The following TTN variants were observed in gnomAD, a reference collection of about 807,000 sequenced individuals.
TTN encodes titin, also known as connectin.
Under a neutral mutation model 3,223.0 loss-of-function variants are expected in TTN, and 1,525 were observed. That is an observed-to-expected ratio of 0.47 (90% CI 0.45 to 0.49). The LOEUF (loss-of-function observed/expected upper bound fraction) is 0.49. Among genes scored for constraint, TTN ranks in the 20% least tolerant of loss-of-function variants. TTN has a pLI of 0.00. For missense variants in TTN, 40,786 were observed against 43,424.0 expected, an observed-to-expected ratio of 0.94 and a Z score of 5.40; for synonymous variants, 14,094 against 15,161.0, an observed-to-expected ratio of 0.93 and a Z score of 5.17.
rs72647893 is a variant in TTN, at chr2:178,767,955, G to A, written c.9306-31C>T. 849 of 1,614,008 alleles carry A rather than the reference G, an allele frequency of 5.3e-4. 5 individuals are homozygous for A. In the African/African-American group the frequency reaches 9.8e-3, roughly 19 times the overall value. ...GATGAAATGGAAATTCGAGTTTACC[G>A]TATGGTGATTCAGAGGAAACTGGGA... On this transcript the variant is annotated intron_variant, in intron 39 of 362. Coordinates refer to ENST00000589042, the MANE Select transcript of TTN (RefSeq NM_001267550.2).
Position 178,776,031 on chromosome 2 carries a change from G to T in TTN, c.5833C>A (p.Pro1945Thr). The change falls in exon 28 of 363, where the codon CCA (proline) becomes ACA (threonine). Residue 1945 changes from proline to threonine, a missense_variant. Pro to Thr is a conservative substitution (Grantham distance 38). Coordinates refer to ENST00000589042, the MANE Select transcript of TTN (RefSeq NM_001267550.2). ...TCATGTACGTGAAACTCAGGCCTTGGTTCAGGAGCTCTCCTAAGGACAGAC... is the reference window on the plus strand; with the variant it reads ...TCATGTACGTGAAACTCAGGCCTTGTTTCAGGAGCTCTCCTAAGGACAGAC... Reference protein sequence around the residue: ...FRSVLRRAPEPRPEFHVHEPG... With the variant: ...FRSVLRRAPETRPEFHVHEPG... 1.2e-6 allele frequency: 2 copies of T among 1,614,098 alleles called. No individual in the cohort carries two copies.
rs2081890261 is a variant in TTN, at chr2:178,738,318, G to GCTA, written c.14132_14134dup (p.Val4711dup). 6.2e-7 allele frequency: 1 copy of GCTA among 1,613,316 alleles called. No individual in the cohort carries two copies. Among genetic ancestry groups the GCTA allele is most frequent in the African/African-American group, 1.3e-5 (1 of 74,920 alleles). On this transcript the variant is annotated inframe_insertion, in exon 49 of 363. Transcript: ENST00000589042. The stretch of plus-strand genomic sequence containing the variant: ...GGTGAATTTGGCTAGGTGGCCCAGT[G>GCTA]CTACTTCCAGGGGTTCGATTTTCCT...
chr2:178,778,965 C>T lies in TTN; in HGVS notation c.4117G>A (p.Ala1373Thr), dbSNP rs867802403. The T allele has an allele frequency of 1.2e-6, 2 of 1,613,894 alleles. No homozygotes were observed. The highest frequency in any genetic ancestry group is 2.7e-5 in the African/African-American group (2 of 74,918). Residue 1373 changes from alanine to threonine, a missense_variant, in exon 24 of 363, where the codon GCA (alanine) becomes ACA (threonine). Ala to Thr is a moderately conservative substitution (Grantham distance 58). Transcript: ENST00000589042. The stretch of plus-strand genomic sequence containing the variant: ...ACATACAATTTCCCTGAGCAAATTG[C>T]ATTTCCTTTAATATTGCTGGCAAAT... Reference protein sequence around the residue: ...TAFASNIKGNAICSGKLYVEP... With the variant: ...TAFASNIKGNTICSGKLYVEP...
At position 178,776,654 on chromosome 2, in the gene TTN, T is replaced by C. The variant is rs766132240; in HGVS notation, c.5210A>G (p.Glu1737Gly). The C allele has an allele frequency of 1.2e-6, 2 of 1,613,996 alleles. No individual in the cohort carries two copies. The highest frequency in any genetic ancestry group is 1.7e-5 in the Admixed American group (1 of 59,984). ...AAGTGGCTTTCCATCATGGAGCCAC[T>C]CCACCACCATCGTTGGGTCACCAAT... ...TPIGDPTMVV[E>G]WLHDGKPLEA... The change falls in exon 28 of 363, where the codon GAG (glutamate) becomes GGG (glycine). Residue 1737 changes from glutamate (E) to glycine (G), a missense_variant. Transcript: ENST00000589042.
intron 98 of TTN, 77 bp from the exon 99 acceptor site, chr2:178,709,933 C>A (rs2076413837): frequency 7.0e-7 from 1 of 1,423,874 alleles, no homozygotes. Context: ...AGAAAAAAAA[C>A]CCTCATATTT....
In TTN at chr2:178,590,218, T is replaced by G; in HGVS notation, c.61507A>C (p.Arg20503=). 6.2e-7 allele frequency: 1 copy of G among 1,600,464 alleles called. No individual in the cohort carries two copies. Among genetic ancestry groups the G allele is most frequent in the South Asian group, 1.1e-5 (1 of 88,506 alleles). ...TIRILARVKG[R]PEPDITWTKE... The stretch of plus-strand genomic sequence containing the variant: ...GTCCAAGTTATGTCTGGTTCAGGTC[T>G]GCCTTTGACTCGAGCTAGAATGCGG... The change falls in exon 304 of 363, where the codon AGA becomes CGA. Residue 20503 remains arginine (R), a synonymous_variant. Coordinates refer to ENST00000589042, the MANE Select transcript of TTN (RefSeq NM_001267550.2).
intron 43 of TTN, among the ~76,000 whole-genome samples, chr2:178,762,597 TA>T (rs548408174): frequency 1.4e-4 from 22 of 152,356 alleles, no homozygotes; most frequent in Non-Finnish European, 2.9e-4. Context: ...AAAATTCCTC[TA>T]AAAATTAAAT....
At position 178,622,740 on chromosome 2, in the gene TTN, A is replaced by G; in HGVS notation, c.44843T>C (p.Leu14948Pro). ...VPPHVEFLRPLTDLQVREKEM... is the reference protein window; with the variant it reads ...VPPHVEFLRPPTDLQVREKEM... Reference sequence around the variant, plus strand: ...TTTTTCTCTAACTTGAAGGTCGGTGAGTGGTCTTAAGAATTCCACATGAGG... The same window carrying G: ...TTTTTCTCTAACTTGAAGGTCGGTGGGTGGTCTTAAGAATTCCACATGAGG... Residue 14948 changes from leucine (L) to proline (P), a missense_variant, in exon 243 of 363, where the codon CTC becomes CCC. Transcript: ENST00000589042. The G allele has an allele frequency of 6.2e-7, 1 of 1,604,332 alleles. No individual in the cohort carries two copies. The highest frequency in any genetic ancestry group is 8.5e-7 in the Non-Finnish European group (1 of 1,175,282).
intron 111 of TTN, among the ~76,000 whole-genome samples, chr2:178,700,095 T>C (rs1468035600): frequency 6.6e-6 from 1 of 152,108 alleles, no homozygotes; most frequent in Non-Finnish European, 1.5e-5. Context: ...ATACTACCAG[T>C]CAAAGAACAA....
In TTN at chr2:178,689,154, A is replaced by G. The variant is rs754326105; in HGVS notation, c.32012-18T>C. On this transcript the variant is annotated intron_variant, in intron 124 of 362. Coordinates refer to ENST00000589042, the MANE Select transcript of TTN (RefSeq NM_001267550.2). The stretch of plus-strand genomic sequence containing the variant: ...AGCTGGCACTTTAGAGACATTATGC[A>G]CTTTTAGAAATTTAATGTGATCTCA... 6.3e-7 allele frequency: 1 copy of G among 1,597,208 alleles called. No individual in the cohort carries two copies. Among genetic ancestry groups the G allele is most frequent in the Non-Finnish European group, 8.5e-7 (1 of 1,174,788 alleles).
Position 178,631,013 on chromosome 2 carries a change from AAC to A in TTN, c.44014+19_44014+20del. The A allele has an allele frequency of 6.2e-7, 1 of 1,612,744 alleles. No homozygotes were observed. Among genetic ancestry groups the A allele is most frequent in the Non-Finnish European group, 8.5e-7 (1 of 1,179,486 alleles). On this transcript the variant is annotated intron_variant, in intron 237 of 362. Coordinates refer to ENST00000589042, the MANE Select transcript of TTN (RefSeq NM_001267550.2). ...AATAACCCCAATGCTTCAAGAGTGA[AAC>A]TCATGGAAATTTCCTTACCCTCAAT...
chr2:178,725,647 G>A lies in TTN; in HGVS notation c.20557C>T (p.Pro6853Ser). The A allele has an allele frequency of 1.3e-6, 2 of 1,574,276 alleles. No homozygotes were observed. Among genetic ancestry groups the A allele is most frequent in the Non-Finnish European group, 8.6e-7 (1 of 1,159,300 alleles). ...TTCAGTTTGGAGACAAATCTTGGTG[G>A]TTCTGAACAGGAAAAGATGGATGGA... ...TCVCTVKLKE[P>S]PRFVSKLNSL... The change falls in exon 71 of 363, where the codon CCA (proline) becomes TCA (serine). Residue 6853 changes from proline to serine, a missense_variant and splice_region_variant. Coordinates refer to ENST00000589042, the MANE Select transcript of TTN (RefSeq NM_001267550.2).
chr2:178,685,684 TCAAAATAG>T (rs1237195083), intron 127 of TTN, 86 bp from the exon 128 acceptor site: 1 of 1,343,950 alleles, frequency 7.4e-7, no homozygotes, highest in Non-Finnish European at 1.0e-6. Context: ...CAAAGAGTAA[TCAAAATAG>T]CAAAAGTTTA....
At position 178,574,564 on chromosome 2, in the gene TTN, G is replaced by C. The variant is rs1060500519; in HGVS notation, c.71568C>G (p.Ser23856Arg). Reference protein sequence around the residue: ...SWHEPLSDGGSPILGYHVERK... With the variant: ...SWHEPLSDGGRPILGYHVERK... ...TTTCAACATGATATCCTAAAATGGG[G>C]CTTCCACCATCAGAAAGTGGCTCAT... is the stretch of plus-strand genomic sequence containing the variant. Residue 23856 changes from serine to arginine, a missense_variant, in exon 326 of 363, where the codon AGC becomes AGG. Physicochemically the swap from Ser to Arg is moderately radical, Grantham distance 110. Transcript: ENST00000589042. The C allele has an allele frequency of 6.2e-7, 1 of 1,613,522 alleles. No homozygotes were observed. Among genetic ancestry groups the C allele is most frequent in the East Asian group, 2.2e-5 (1 of 44,790 alleles).
Position 178,789,404 on chromosome 2 carries a change from T to C in TTN, c.2032A>G (p.Thr678Ala), listed in dbSNP as rs878854290. The change falls in exon 13 of 363, where the codon ACT becomes GCT. Residue 678 changes from threonine (T) to alanine (A), a missense_variant. Transcript: ENST00000589042. The part of the protein sequence containing the change: ...EQETILRTRE[T>A]MATRQEQIQV... Reference sequence around the variant, plus strand: ...ATTTGTTCTTGTCTAGTAGCCATAGTTTCTCTAGTTCTCAGTATTGTTTCT... The same window carrying C: ...ATTTGTTCTTGTCTAGTAGCCATAGCTTCTCTAGTTCTCAGTATTGTTTCT... 5.3e-5 allele frequency: 85 copies of C among 1,613,446 alleles called. No homozygotes were observed. The highest frequency in any genetic ancestry group is 6.9e-5 in the Non-Finnish European group (81 of 1,179,580).
chr2:178,646,615 A>C, intron 215 of TTN, 56 bp from the exon 216 acceptor site: 3 of 1,043,434 alleles, frequency 2.9e-6, no homozygotes, highest in Non-Finnish European at 4.3e-6. Context: ...CTTCAAAAAG[A>C]CTCATACAAA....
At chr2:178,789,867 G>C (rs2093397575) in intron 12 of TTN, 111 bp downstream of exon 12, 2 of 1,429,366 alleles carry the variant, frequency 1.4e-6, no homozygotes, top group African/African-American at 1.4e-5. Context: ...TTTTTAGTTA[G>C]GGATTTTAAA....
At chr2:178,622,609 A>T in intron 243 of TTN, 61 bp downstream of exon 243, 1 of 1,388,478 alleles carries the variant, frequency 7.2e-7, no homozygotes, top group Admixed American at 2.3e-5. Context: ...CATTTTGGCT[A>T]GACCAAAAGT....
chr2:178,569,084 A>C lies in TTN; in HGVS notation c.77048T>G (p.Ile25683Ser). 1 of 1,613,436 alleles carries C rather than the reference A, an allele frequency of 6.2e-7. No homozygotes were observed. Among genetic ancestry groups the C allele is most frequent in the East Asian group, 2.2e-5 (1 of 44,818 alleles). The change falls in exon 326 of 363, where the codon ATT becomes AGT. Residue 25683 changes from isoleucine (I) to serine (S), a missense_variant. Ile to Ser is a moderately radical substitution (Grantham distance 142). Coordinates refer to ENST00000589042, the MANE Select transcript of TTN (RefSeq NM_001267550.2). Reference protein sequence around the residue: ...FRVTAENEYGIGLPAQTADPI... With the variant: ...FRVTAENEYGSGLPAQTADPI... ...ATCAGCAGTCTGGGCAGGAAGGCCAATACCATACTCATTCTCAGCTGTGAC... is the reference window on the plus strand; with the variant it reads ...ATCAGCAGTCTGGGCAGGAAGGCCACTACCATACTCATTCTCAGCTGTGAC...
Sources: allele counts gnomAD v4.1 joint callset (sites outside exome capture counted in the v4.1 genomes callset), GRCh38; gene constraint gnomAD v4.1.1; transcripts MANE v1.5; gene names NCBI Gene and HGNC (gene_info 2026-07-23, HGNC 2026-07-21).